The following BUB1B variants were observed in gnomAD, a reference collection of about 807,000 sequenced individuals.
BUB1B encodes the protein mitotic checkpoint serine/threonine-protein kinase BUB1 beta.
BUB1B carries 86 observed loss-of-function variants against 137.7 expected under a neutral mutation model. That is an observed-to-expected ratio of 0.62 (90% CI 0.52 to 0.75). The LOEUF is 0.75. Among genes scored for constraint, BUB1B ranks in the 30% least tolerant of loss-of-function variants. The pLI is 0.00. For synonymous variants in BUB1B, 420 were observed against 417.9 expected, an observed-to-expected ratio of 1.00 and a Z score of -0.06; for missense variants, 1,130 against 1,236.9, an observed-to-expected ratio of 0.91 and a Z score of 1.30.
intron 18 of BUB1B, among the ~76,000 whole-genome samples, chr15:40,211,503 C>G (rs2037711215): frequency 6.6e-6 from 1 of 152,106 alleles, no homozygotes; most frequent in Non-Finnish European, 1.5e-5. Context: ...TCAGAGAAGA[C>G]TTCTAATTTT....
chr15:40,162,609 C>T (rs1310126341), intron 1 of BUB1B, among the ~76,000 whole-genome samples: 1 of 152,122 alleles, frequency 6.6e-6, no homozygotes, highest in Non-Finnish European at 1.5e-5. Context: ...GTAGGACTTG[C>T]TGACTGACTG....
chr15:40,190,691 C>T (rs1317803155), intron 8 of BUB1B, among the ~76,000 whole-genome samples: 1 of 152,172 alleles, frequency 6.6e-6, no homozygotes, highest in African/African-American at 2.4e-5. Flanking sequence ...CATCGCTACT[C>T]TTGTGCTTTG....
chr15:40,211,750 T>G (rs2037714732), intron 18 of BUB1B, among the ~76,000 whole-genome samples: 1 of 152,118 alleles, frequency 6.6e-6, no homozygotes, highest in Admixed American at 6.5e-5. Context: ...ACTTCGAGAA[T>G]AGGGGAGAGG....
intron 2 of BUB1B, among the ~76,000 whole-genome samples, chr15:40,169,484 A>G (rs901892330): frequency 1.2e-4 from 18 of 152,066 alleles, no homozygotes; most frequent in African/African-American, 3.6e-4. Flanking sequence ...GTCTTGTTCC[A>G]GAGTTCTTAA....
At chr15:40,216,226 C>T (rs1217101263) in intron 20 of BUB1B, among the ~76,000 whole-genome samples, 1 of 152,016 alleles carries the variant, frequency 6.6e-6, no homozygotes, top group Non-Finnish European at 1.5e-5. Context: ...TCACTTGAGC[C>T]TAGGAGTTCA....
chr15:40,213,293 A>G, intron 19 of BUB1B, 39 bp from the exon 20 acceptor site: 3 of 1,610,760 alleles, frequency 1.9e-6, no homozygotes, highest in South Asian at 1.1e-5. Context: ...GATCTGCCAA[A>G]CTTGAGAAAT....
At chr15:40,213,874 T>C (rs1595535709) in intron 20 of BUB1B, among the ~76,000 whole-genome samples, 1 of 152,114 alleles carries the variant, frequency 6.6e-6, no homozygotes, top group African/African-American at 2.4e-5. Context: ...ATAAATGCCA[T>C]ATCGAGGAAC....
At chr15:40,214,036 A>G (rs1352351619) in intron 20 of BUB1B, among the ~76,000 whole-genome samples, 1 of 152,254 alleles carries the variant, frequency 6.6e-6, no homozygotes, top group Non-Finnish European at 1.5e-5. Context: ...AAGATGAGAT[A>G]TAAAATATGA....
At chr15:40,201,553 T>C (rs1328383325) in intron 12 of BUB1B, among the ~76,000 whole-genome samples, 1 of 152,004 alleles carries the variant, frequency 6.6e-6, no homozygotes, top group Non-Finnish European at 1.5e-5. Context: ...CAACAAAAAT[T>C]CCCCCCAAAA....
chr15:40,179,781 A>T (rs1358964477), intron 5 of BUB1B, among the ~76,000 whole-genome samples: 1 of 152,006 alleles, frequency 6.6e-6, no homozygotes, highest in Non-Finnish European at 1.5e-5. Flanking sequence ...GGTTGCTATA[A>T]GGTATATAAT....
intron 9 of BUB1B, among the ~76,000 whole-genome samples, chr15:40,199,026 T>C (rs2037532129): frequency 2.6e-5 from 4 of 152,360 alleles, no homozygotes; most frequent in Middle Eastern, 3.4e-3. Flanking sequence ...TGGACTTCCT[T>C]TGGATTCTTA....
chr15:40,170,493 A>G (rs1486276263), intron 3 of BUB1B, 44 bp from the exon 4 acceptor site: 4 of 1,605,590 alleles, frequency 2.5e-6, no homozygotes, highest in Admixed American at 1.7e-5. Flanking sequence ...ACAAAAGTAC[A>G]TGTTCAATTT....
At chr15:40,161,995 G>A (rs1006652043) in intron 1 of BUB1B, among the ~76,000 whole-genome samples, 1 of 152,158 alleles carries the variant, frequency 6.6e-6, no homozygotes, top group Non-Finnish European at 1.5e-5. Context: ...GTTCTGGCAT[G>A]GGATGAAGGT....
chr15:40,170,061 G>A lies in BUB1B; in HGVS notation c.180-1G>A. On this transcript the variant is annotated splice_acceptor_variant, in intron 2 of 22. Coordinates refer to ENST00000287598, the MANE Select transcript of BUB1B (RefSeq NM_001211.6). LOFTEE classifies it high-confidence loss of function. ...GCTAACTTTTTCTGTTTACATTTCA[G>A]GGCATTTGAATATGAAATTCGATTT... 6.2e-7 allele frequency: 1 copy of A among 1,613,124 alleles called. No individual in the cohort carries two copies. Among genetic ancestry groups the A allele is most frequent in the Non-Finnish European group, 8.5e-7 (1 of 1,179,152 alleles).
chr15:40,183,018 C>T (rs559054371), intron 5 of BUB1B, among the ~76,000 whole-genome samples: 2 of 152,038 alleles, frequency 1.3e-5, no homozygotes, highest in African/African-American at 4.8e-5. Context: ...AGAAAAGGTA[C>T]AGTGGGCATA....
chr15:40,167,672 A>G (rs1346033412), intron 2 of BUB1B, among the ~76,000 whole-genome samples: 2 of 152,028 alleles, frequency 1.3e-5, no homozygotes, highest in African/African-American at 4.8e-5. Context: ...GTTTAGGTGT[A>G]TGATTTTTCT....
chr15:40,180,681 G>T (rs866429019), intron 5 of BUB1B, among the ~76,000 whole-genome samples: 1 of 111,278 alleles, frequency 9.0e-6, no homozygotes, highest in African/African-American at 3.5e-5. Context: ...ACGGAGTCTC[G>T]CTCTGTCGTC....
At chr15:40,202,755 C>A (rs889872469) in intron 14 of BUB1B, 61 bp downstream of exon 14, 3 of 1,400,308 alleles carry the variant, frequency 2.1e-6, no homozygotes, top group Admixed American at 1.7e-5. Flanking sequence ...TTCAAAACCA[C>A]AAAAGCTTAA....
rs779021486 is a variant in BUB1B at position 40,170,526 on chromosome 15, C to T, written c.240-11C>T. On this transcript the variant is annotated splice_polypyrimidine_tract_variant and intron_variant, in intron 3 of 22. Coordinates refer to ENST00000287598, the MANE Select transcript of BUB1B (RefSeq NM_001211.6). ...TTTAAAATGTGTTCTTATCTTTTTC[C>T]TCCCATTTAGGTATATCAGCTGGAC... is the stretch of plus-strand genomic sequence containing the variant. 8.1e-6 allele frequency: 13 copies of T among 1,613,252 alleles called. No individual in the cohort carries two copies. The highest frequency in any genetic ancestry group is 1.1e-5 in the Non-Finnish European group (13 of 1,179,360).
Sources: gnomAD v4.1 joint callset for allele counts (sites outside exome capture counted in the v4.1 genomes callset) on GRCh38, gnomAD v4.1.1 for gene constraint, MANE v1.5 for transcripts, NCBI Gene and HGNC (gene_info 2026-07-23, HGNC 2026-07-21) for gene names.